TEAD4: variants seen among roughly 807,000 people sequenced by gnomAD.
TEAD4 encodes the protein transcriptional enhancer factor TEF-3.
Under a neutral mutation model 52.4 loss-of-function variants are expected in TEAD4, and 36 were observed. That is an observed-to-expected ratio of 0.69 (90% CI 0.53 to 0.91). The LOEUF is 0.91. Ranked by LOEUF, TEAD4 falls within the 40% of genes least tolerant of loss-of-function variation. TEAD4 has a pLI of 0.00. For synonymous variants in TEAD4, 220 were observed against 231.0 expected (o/e 0.95, Z 0.43); for missense variants, 508 against 583.9 (o/e 0.87, Z 1.34).
intron 3 of TEAD4, among the ~76,000 whole-genome samples, chr12:3,009,990 C>T (rs755376829): frequency 2.4e-4 from 37 of 152,334 alleles, no homozygotes; most frequent in Non-Finnish European, 4.6e-4. Flanking sequence ...CTGCCTCCCA[C>T]GGACAGCCGC....
chr12:3,013,981 C>T (rs1046611059), intron 5 of TEAD4, among the ~76,000 whole-genome samples: 9 of 152,262 alleles, frequency 5.9e-5, no homozygotes, highest in Non-Finnish European at 1.0e-4. Context: ...AATCTCAGAA[C>T]GAGTGGGTGG....
chr12:3,028,144 A>G (rs2098273181), intron 10 of TEAD4, among the ~76,000 whole-genome samples: 1 of 152,176 alleles, frequency 6.6e-6, no homozygotes, highest in African/African-American at 2.4e-5. Flanking sequence ...AGGTTCAACC[A>G]TGTTGTAGCA....
At chr12:3,019,026 A>T in intron 7 of TEAD4, 89 bp from the exon 8 acceptor site, 3 of 1,505,468 alleles carry the variant, frequency 2.0e-6, no homozygotes, top group Admixed American at 3.4e-5. Flanking sequence ...GACCACCAGG[A>T]CCTACCACAC....
At chr12:3,039,949 A>C (rs545869969) in intron 11 of TEAD4, among the ~76,000 whole-genome samples, 158 bp from the exon 12 acceptor site, 1 of 152,250 alleles carries the variant, frequency 6.6e-6, no homozygotes, top group East Asian at 1.9e-4. Flanking sequence ...GGCCTCCCAA[A>C]GTGTTGGGAT....
chr12:2,994,719 G>A lies in TEAD4; in HGVS notation c.-29-19G>A, dbSNP rs2153955398. The A allele has an allele frequency of 6.5e-7, 1 of 1,546,650 alleles. No homozygotes were observed. Among genetic ancestry groups the A allele is most frequent in the Non-Finnish European group, 8.7e-7 (1 of 1,147,504 alleles). Reference sequence around the variant, plus strand: ...AGTTCTTCCACTGCTCACCGGGGCTGTGGTTCCTGTCCCCACAGGTCCAAC... The same window carrying A: ...AGTTCTTCCACTGCTCACCGGGGCTATGGTTCCTGTCCCCACAGGTCCAAC... On this transcript the variant is annotated intron_variant, in intron 2 of 12. Coordinates refer to ENST00000359864, the MANE Select transcript of TEAD4 (RefSeq NM_003213.4). This position sits in a 1 kb window ranked among gnomAD's most constrained non-coding sequence, Gnocchi z 4.7.
rs529107481 is a variant in TEAD4, at chr12:3,013,012, C to T, written c.354+780C>T. The stretch of plus-strand genomic sequence containing the variant: ...CTGTCACCCACGCTCAGTGCAGTGA[C>T]GCAGTCATAGCTCACTGCAGCCTCG... On this transcript the variant is annotated intron_variant, in intron 5 of 12. Transcript: ENST00000359864. Among the ~76,000 whole-genome samples, 9 of 152,274 alleles carry T rather than the reference C, an allele frequency of 5.9e-5. No individual in the cohort carries two copies. In the South Asian group the frequency reaches 6.2e-4, roughly 11 times the overall value.
chr12:3,022,233 C>T lies in TEAD4; in HGVS notation c.897+216C>T, dbSNP rs144470431. The stretch of plus-strand genomic sequence containing the variant: ...AGAGAGCTGGCCTAGTCGAACGAGG[C>T]CTTGTCTCACGGGTGGGGATGGCAG... On this transcript the variant is annotated intron_variant, in intron 10 of 12. Coordinates refer to ENST00000359864, the MANE Select transcript of TEAD4 (RefSeq NM_003213.4). 6.1e-3 allele frequency among the ~76,000 whole-genome samples: 926 copies of T among 152,266 alleles called. 8 individuals carry two copies. The highest frequency in any genetic ancestry group is 0.01 in the Non-Finnish European group (710 of 68,022).
intron 2 of TEAD4, among the ~76,000 whole-genome samples, chr12:2,971,754 C>T (rs1480032534): frequency 6.6e-6 from 1 of 151,372 alleles, no homozygotes; most frequent in Non-Finnish European, 1.5e-5. Flanking sequence ...GGATTACAGG[C>T]ATGAGCCACC....
At chr12:3,037,928 C>T in intron 10 of TEAD4, 40 bp from the exon 11 acceptor site, 2 of 1,591,888 alleles carry the variant, frequency 1.3e-6, no homozygotes, top group South Asian at 2.3e-5. Context: ...TGACATGGCA[C>T]CTGCTGACAC....
At chr12:3,026,888 T>G (rs2098272438) in intron 10 of TEAD4, among the ~76,000 whole-genome samples, 1 of 152,236 alleles carries the variant, frequency 6.6e-6, no homozygotes, top group African/African-American at 2.4e-5. Flanking sequence ...GAGCTCCTTC[T>G]TGTTCTGTGA....
chr12:3,035,847 A>G (rs2098279096), intron 10 of TEAD4, among the ~76,000 whole-genome samples: 2 of 151,382 alleles, frequency 1.3e-5, no homozygotes, highest in Admixed American at 6.6e-5. Flanking sequence ...AAGAAGAAGA[A>G]GAAGAAAACA....
chr12:2,993,873 C>T (rs963959365), intron 2 of TEAD4, among the ~76,000 whole-genome samples: 3 of 152,180 alleles, frequency 2.0e-5, no homozygotes, highest in African/African-American at 7.2e-5. Flanking sequence ...TCCTAAAGGT[C>T]CGTCTGTGCT....
intron 2 of TEAD4, among the ~76,000 whole-genome samples, chr12:2,991,813 A>AG (rs1449334958): frequency 5.3e-5 from 8 of 152,308 alleles, no homozygotes; most frequent in Non-Finnish European, 1.5e-5. Flanking sequence ...TTACTTTAAC[A>AG]GCCACAGAGA....
At chr12:3,010,218 C>T (rs548778182) in intron 3 of TEAD4, among the ~76,000 whole-genome samples, 1 of 152,366 alleles carries the variant, frequency 6.6e-6, no homozygotes, top group South Asian at 2.1e-4. Context: ...CCCTGGATTC[C>T]ATTGTGTGGG....
At chr12:2,982,449 G>T (rs1006696006) in intron 2 of TEAD4, among the ~76,000 whole-genome samples, 1 of 152,174 alleles carries the variant, frequency 6.6e-6, no homozygotes, top group Non-Finnish European at 1.5e-5. Context: ...CCAGCTCCAC[G>T]ATGCCATCTG....
At chr12:2,992,541 G>A (rs1385419918) in intron 2 of TEAD4, among the ~76,000 whole-genome samples, 1 of 152,206 alleles carries the variant, frequency 6.6e-6, no homozygotes, top group African/African-American at 2.4e-5. Context: ...AGGGTATGGA[G>A]GGCAATGATA....
Position 3,020,733 on chromosome 12 carries a change from A to G in TEAD4, c.683A>G (p.Glu228Gly). The G allele has an allele frequency of 6.2e-7, 1 of 1,607,904 alleles. No homozygotes were observed. The highest frequency in any genetic ancestry group is 8.5e-7 in the Non-Finnish European group (1 of 1,177,166). ...GCCAGCTCCAAGCTCTGGATGTTGGAGTTCTCTGCCTTCCTGGAGCAGCAG... is the reference window on the plus strand; with the variant it reads ...GCCAGCTCCAAGCTCTGGATGTTGGGGTTCTCTGCCTTCCTGGAGCAGCAG... The change falls in exon 9 of 13, where the codon GAG (glutamate) becomes GGG (glycine). Residue 228 changes from glutamate to glycine, a missense_variant. Transcript: ENST00000359864.
intron 10 of TEAD4, among the ~76,000 whole-genome samples, chr12:3,029,530 G>T (rs1369645583): frequency 1.3e-5 from 2 of 152,064 alleles, no homozygotes; most frequent in Non-Finnish European, 2.9e-5. Flanking sequence ...GAGCCACCGC[G>T]CCCGGCCCAA....
intron 2 of TEAD4, among the ~76,000 whole-genome samples, chr12:2,992,836 A>G (rs1565533257): frequency 6.6e-6 from 1 of 152,120 alleles, no homozygotes; most frequent in East Asian, 1.9e-4. Context: ...GATTACTGGT[A>G]TGTCCTGCTC....
Sources: allele counts gnomAD v4.1 joint callset (sites outside exome capture counted in the v4.1 genomes callset), GRCh38; gene constraint gnomAD v4.1.1; non-coding constraint Gnocchi (gnomAD v3.1); transcripts MANE v1.5; gene names NCBI Gene and HGNC (gene_info 2026-07-23, HGNC 2026-07-21).